Variants in PCDHGA1 observed in about 807,000 individuals in gnomAD.
The protein encoded by PCDHGA1 is protocadherin gamma-A1.
PCDHGA1 carries 32 observed loss-of-function variants against 58.0 expected under a neutral mutation model. That is an observed-to-expected ratio of 0.55 (90% CI 0.42 to 0.74). The LOEUF (loss-of-function observed/expected upper bound fraction) is 0.74, where lower values mean the gene tolerates loss of function less well. Among genes scored for constraint, PCDHGA1 ranks in the 30% least tolerant of loss-of-function variants. The pLI, the probability that PCDHGA1 is intolerant of heterozygous loss-of-function variation, is 0.00. For synonymous variants in PCDHGA1, 498 were observed against 501.1 expected (o/e 0.99, Z 0.08); for missense variants, 1,205 against 1,182.3 (o/e 1.02, Z -0.28).
At chr5:141,455,013 C>T (rs1468289988) in intron 1 of PCDHGA1, among the ~76,000 whole-genome samples, 2 of 151,130 alleles carry the variant, frequency 1.3e-5, no homozygotes, top group African/African-American at 4.9e-5. Context: ...GGGGTTTCAC[C>T]GTGTTAGCCA....
intron 1 of PCDHGA1, among the ~76,000 whole-genome samples, chr5:141,336,221 G>A (rs537410620): frequency 5.3e-5 from 8 of 151,974 alleles, no homozygotes; most frequent in Non-Finnish European, 1.2e-4. Context: ...TCTAACGTTA[G>A]GACTCATGTA....
Position 141,432,928 on chromosome 5 carries a change from C to T in PCDHGA1, c.2422-61879C>T, listed in dbSNP as rs1443097611. ...GGCTGCGGCGCTGGCACAAGTCACG[C>T]CTGCTGCAGGCTTCAGGAGGCGGCT... On this transcript the variant is annotated intron_variant, in intron 1 of 3. Transcript: ENST00000517417. This position sits in a 1 kb window ranked among gnomAD's most constrained non-coding sequence, Gnocchi z 6.0. 1.2e-6 allele frequency: 2 copies of T among 1,614,066 alleles called. No homozygotes were observed. Among genetic ancestry groups the T allele is most frequent in the African/African-American group, 1.3e-5 (1 of 74,942 alleles).
Position 141,360,020 on chromosome 5 carries a change from G to T in PCDHGA1, c.2421+26915G>T. The T allele has an allele frequency of 4.6e-6, 6 of 1,294,416 alleles. No individual in the cohort carries two copies. The South Asian group carries it at 9.7e-5, about 21-fold the overall frequency. 80.2% of individuals were successfully genotyped at this position (1,294,416 alleles called of 1,614,324 possible). On this transcript the variant is annotated intron_variant, in intron 1 of 3. Transcript: ENST00000517417. ...TGCACAAACCAACCACACAGAGAAGGCCAGTATAGATTCGGAAACAGAAAA... is the reference window on the plus strand; with the variant it reads ...TGCACAAACCAACCACACAGAGAAGTCCAGTATAGATTCGGAAACAGAAAA...
At chr5:141,417,887 C>T in intron 1 of PCDHGA1, 2 of 1,564,888 alleles carry the variant, frequency 1.3e-6, no homozygotes, top group Non-Finnish European at 1.7e-6. Flanking sequence ...GCAGAGGCGC[C>T]GGGCCGGCCC....
intron 1 of PCDHGA1, chr5:141,478,344 A>G: frequency 6.2e-7 from 1 of 1,613,882 alleles, no homozygotes; most frequent in Non-Finnish European, 8.5e-7. Context: ...CCCTCCTTGC[A>G]CGCGGACGCC....
Position 141,511,103 on chromosome 5 carries a change from A to G in PCDHGA1, c.2726A>G (p.Lys909Arg), listed in dbSNP as rs779731716. The G allele has an allele frequency of 6.2e-7, 1 of 1,614,214 alleles. No individual in the cohort carries two copies. The highest frequency in any genetic ancestry group is 8.5e-7 in the Non-Finnish European group (1 of 1,180,026). The change falls in exon 4 of 4, where the codon AAG becomes AGG. Residue 909 changes from lysine to arginine, a missense_variant. By Grantham distance (26) the Lys-to-Arg change is conservative. Coordinates refer to ENST00000517417, the MANE Select transcript of PCDHGA1 (RefSeq NM_018912.3). ...SNATLTNAAGKRDGKAPAGGN... is the reference protein window; with the variant it reads ...SNATLTNAAGRRDGKAPAGGN... ...GCCACACTGACCAACGCAGCTGGCA[A>G]GCGGGATGGCAAGGCCCCAGCAGGT...
intron 1 of PCDHGA1, chr5:141,351,898 G>C: frequency 6.2e-7 from 1 of 1,613,440 alleles, no homozygotes; most frequent in Admixed American, 1.7e-5. Context: ...GCCTGCGCGT[G>C]TTGGTGGGCG....
rs528371675 is a variant in PCDHGA1 at position 141,389,403 on chromosome 5, G to T, written c.2421+56298G>T. 18 of 1,613,628 alleles carry T rather than the reference G, an allele frequency of 1.1e-5. No individual in the cohort carries two copies. The African/African-American group carries it at 2.4e-4, about 21-fold the overall frequency. On this transcript the variant is annotated intron_variant, in intron 1 of 3. Transcript: ENST00000517417. The stretch of plus-strand genomic sequence containing the variant: ...GCTGTCATCCTACGTGTCCATAAGC[G>T]CGGAGAGCGGGGTGGTGTTCGCGCA...
intron 1 of PCDHGA1, chr5:141,383,820 A>C: frequency 6.2e-7 from 1 of 1,613,924 alleles, no homozygotes; most frequent in Non-Finnish European, 8.5e-7. Flanking sequence ...TAGAAGGATT[A>C]GATTATGAAG....
chr5:141,375,832 G>T, intron 1 of PCDHGA1: 1 of 1,614,146 alleles, frequency 6.2e-7, no homozygotes, highest in Non-Finnish European at 8.5e-7. Flanking sequence ...GCTCCGCAGA[G>T]CCCGGCTACC....
At chr5:141,502,710 C>T (rs2099815750) in intron 2 of PCDHGA1, among the ~76,000 whole-genome samples, 1 of 152,168 alleles carries the variant, frequency 6.6e-6, no homozygotes, top group South Asian at 2.1e-4. Context: ...GTTTTTACAT[C>T]AGTGATTACA....
rs748428255 is a variant in PCDHGA1 at position 141,345,028 on chromosome 5, A to G, written c.2421+11923A>G. The G allele has an allele frequency of 5.6e-6, 9 of 1,614,052 alleles. No individual in the cohort carries two copies. In the South Asian group the frequency reaches 6.6e-5, roughly 12 times the overall value. On this transcript the variant is annotated intron_variant, in intron 1 of 3. Coordinates refer to ENST00000517417, the MANE Select transcript of PCDHGA1 (RefSeq NM_018912.3). ...GGACCAGGTCTTCTTTCAAGAGCCA[A>G]GATTCTAGTCACGGTTCTGGATGTG...
intron 1 of PCDHGA1, among the ~76,000 whole-genome samples, chr5:141,453,574 G>T (rs1285296493): frequency 6.6e-6 from 1 of 152,084 alleles, no homozygotes; most frequent in Non-Finnish European, 1.5e-5. Context: ...TCATTAGTTT[G>T]TGGTTTATCC....
chr5:141,394,807 C>G (rs943252788), intron 1 of PCDHGA1: 3 of 1,613,886 alleles, frequency 1.9e-6, no homozygotes, highest in African/African-American at 2.7e-5. Context: ...GTAGCCGTGG[C>G]TGACAGCATC....
chr5:141,413,573 A>G (rs375156046), intron 1 of PCDHGA1: 12 of 1,613,768 alleles, frequency 7.4e-6, no homozygotes, highest in South Asian at 4.4e-5. Context: ...ATCAATGACA[A>G]TGCTCCAAAA....
chr5:141,441,993 G>T (rs577673608), intron 1 of PCDHGA1: 16 of 251,180 alleles, frequency 6.4e-5, no homozygotes, highest in East Asian at 3.9e-4. Flanking sequence ...CACCGACGAG[G>T]TGCTGACAGC....
intron 1 of PCDHGA1, chr5:141,364,874 G>A (rs368317740): frequency 6.2e-6 from 10 of 1,613,884 alleles, no homozygotes; most frequent in Non-Finnish European, 8.5e-6. Flanking sequence ...CTCTCTGGAT[G>A]TGGTAAGCGG....
At chr5:141,424,712 G>A (rs2096836283) in intron 1 of PCDHGA1, 1 of 152,126 alleles carries the variant, frequency 6.6e-6, no homozygotes, top group Non-Finnish European at 1.5e-5. Context: ...CATTTTCAGT[G>A]TAGTTGGGAG....
intron 1 of PCDHGA1, chr5:141,423,665 G>A: frequency 6.6e-7 from 1 of 1,512,226 alleles, no homozygotes; most frequent in Non-Finnish European, 8.9e-7. Flanking sequence ...AATCAGGTGA[G>A]ATTTATTTCT....
Sources: allele counts gnomAD v4.1 joint callset (sites outside exome capture counted in the v4.1 genomes callset), GRCh38; gene constraint gnomAD v4.1.1; non-coding constraint Gnocchi (gnomAD v3.1); transcripts MANE v1.5; gene names NCBI Gene and HGNC (gene_info 2026-07-23, HGNC 2026-07-21).